CHPT1: variants seen among roughly 807,000 people sequenced by gnomAD.
The protein encoded by CHPT1 is choline phosphotransferase 1, also known as cholinephosphotransferase 1.
CHPT1 carries 36 observed loss-of-function variants against 47.6 expected under a neutral mutation model. The observed-to-expected ratio is 0.76, with a 90% CI of 0.58 to 1.00. The LOEUF is 1.00. CHPT1 is among the 50% of genes least tolerant of loss of function. The probability of loss-of-function intolerance (pLI) is 0.00; values close to 1 mark genes in which losing one functional copy is unlikely to be tolerated. For synonymous variants in CHPT1, 194 were observed against 186.3 expected (o/e 1.04, Z -0.33); for missense variants, 458 against 498.1 (o/e 0.92, Z 0.77).
chr12:101,697,891 G>C lies in CHPT1; in HGVS notation c.30G>C (p.Ala10=). 1 of 1,250,096 alleles carries C rather than the reference G, an allele frequency of 8.0e-7. No homozygotes were observed. The highest frequency in any genetic ancestry group is 1.0e-6 in the Non-Finnish European group (1 of 998,518). The allele number at this position is 1,250,096 out of a possible 1,614,324, so 77.4% of individuals were successfully genotyped here. The change falls in exon 1 of 9, where the codon GCG becomes GCC. Residue 10 remains alanine (A), a synonymous_variant. Transcript: ENST00000229266. ...CGGCAGGCGCCGGGGCCGGGTCCGC[G>C]CCGCGCTGGCTGAGGGCGCTGAGCG... is the stretch of plus-strand genomic sequence containing the variant. MAAGAGAGS[A]PRWLRALSEP...
intron 4 of CHPT1, chr12:101,717,420 A>T: frequency 2.6e-6 from 1 of 386,902 alleles, no homozygotes; most frequent in Non-Finnish European, 5.2e-6. Context: ...TGGCTAACTG[A>T]CTCACACTTT....
intron 7 of CHPT1, among the ~76,000 whole-genome samples, chr12:101,726,077 C>T (rs1399917381): frequency 6.6e-6 from 1 of 152,000 alleles, no homozygotes; most frequent in Admixed American, 6.6e-5. Flanking sequence ...GTCTTTTTTA[C>T]CTCTGAGCCT....
intron 4 of CHPT1, among the ~76,000 whole-genome samples, chr12:101,718,664 TA>T (rs869226936): frequency 0.014 from 1,841 of 128,856 alleles, 3 homozygotes; most frequent in African/African-American, 0.018. Flanking sequence ...ACCCCATCTT[TA>T]AAAAAAAAAA....
At position 101,723,329 on chromosome 12, in the gene CHPT1, A is replaced by G. The variant is rs1327384677; in HGVS notation, c.939+3A>G. The G allele has an allele frequency of 1.9e-6, 3 of 1,542,504 alleles. No homozygotes were observed. The highest frequency in any genetic ancestry group is 2.7e-6 in the Non-Finnish European group (3 of 1,131,040). On this transcript the variant is annotated splice_donor_region_variant and intron_variant, in intron 6 of 8. Coordinates refer to ENST00000229266, the MANE Select transcript of CHPT1 (RefSeq NM_020244.3). ...CTAAAGTCTCACAAAAATTAGTGGT[A>G]AGAAATTTTTATTATTCATGATATA...
chr12:101,707,673 T>G (rs543098516), intron 1 of CHPT1, among the ~76,000 whole-genome samples: 60 of 152,250 alleles, frequency 3.9e-4, no homozygotes, highest in African/African-American at 1.3e-3. Context: ...AATGAAATAT[T>G]TAAGGTGAGA....
chr12:101,700,337 AAAG>A (rs1262453080), intron 1 of CHPT1, among the ~76,000 whole-genome samples: 1 of 151,740 alleles, frequency 6.6e-6, no homozygotes, highest in Non-Finnish European at 1.5e-5. Context: ...AAAAAAAAAA[AAAG>A]GGTGGAGGGT....
intron 4 of CHPT1, among the ~76,000 whole-genome samples, chr12:101,719,194 C>T (rs980799955): frequency 1.3e-5 from 2 of 149,542 alleles, no homozygotes; most frequent in African/African-American, 4.9e-5. Flanking sequence ...AAATGTAGAC[C>T]TAGAAGCAGT....
intron 4 of CHPT1, among the ~76,000 whole-genome samples, chr12:101,718,359 G>C (rs1437980963): frequency 6.6e-6 from 1 of 151,916 alleles, no homozygotes; most frequent in Non-Finnish European, 1.5e-5. Context: ...CAGAGGGAGG[G>C]GTGGCTATAT....
chr12:101,708,692 G>A (rs1465633906), intron 1 of CHPT1, among the ~76,000 whole-genome samples: 2 of 123,998 alleles, frequency 1.6e-5, no homozygotes, highest in East Asian at 5.0e-4. Context: ...TGCCTCCTGG[G>A]TTCAAGCAAT....
rs562716248 is a variant in CHPT1, at chr12:101,704,683, G to A, written c.273+6549G>A. ...CCCAAAGTGCTGGGATTACAGGCAT[G>A]AGCCACCGCACCTGGCCCTGTTTTT... On this transcript the variant is annotated intron_variant, in intron 1 of 8. Transcript: ENST00000229266. 2.1e-3 allele frequency among the ~76,000 whole-genome samples: 288 copies of A among 139,510 alleles called. 2 individuals carry two copies. The highest frequency in any genetic ancestry group is 3.4e-3 in the Non-Finnish European group (222 of 65,060). The allele number at this position is 139,510 out of a possible 152,430, so 91.5% of individuals were successfully genotyped here.
At chr12:101,712,633 T>C (rs1287163207) in intron 1 of CHPT1, among the ~76,000 whole-genome samples, 1 of 148,668 alleles carries the variant, frequency 6.7e-6, no homozygotes, top group Non-Finnish European at 1.5e-5. Flanking sequence ...TTTCCATTGG[T>C]ACATGCTTAT....
At position 101,728,940 on chromosome 12, in the gene CHPT1, G is replaced by T. The variant is rs1226462967; in HGVS notation, c.1216G>T (p.Asp406Tyr). Residue 406 changes from aspartate to tyrosine, a missense_variant, in exon 9 of 9, where the codon GAT becomes TAT. By Grantham distance (160) the Asp-to-Tyr change is radical. Transcript: ENST00000229266. Reference sequence around the variant, plus strand: ...TTCAAAGAGTCATCAGAATAACATGGATTGAAGAGACTTCCGAACACTTGC... The same window carrying T: ...TTCAAAGAGTCATCAGAATAACATGTATTGAAGAGACTTCCGAACACTTGC... ...LSSKSHQNNMD is the reference protein window; with the variant it reads ...LSSKSHQNNMY The T allele has an allele frequency of 1.9e-6, 3 of 1,613,370 alleles. No individual in the cohort carries two copies. Among genetic ancestry groups the T allele is most frequent in the East Asian group, 2.2e-5 (1 of 44,746 alleles).
Position 101,697,844 on chromosome 12 carries a change from C to CGG in CHPT1, c.-15_-14dup. The CGG allele has an allele frequency of 9.7e-7, 1 of 1,036,146 alleles. No individual in the cohort carries two copies. The highest frequency in any genetic ancestry group is 1.2e-6 in the Non-Finnish European group (1 of 848,246). The allele number at this position is 1,036,146 out of a possible 1,614,324, so 64.2% of individuals were successfully genotyped here. A position where few individuals can be genotyped will look rare whatever the true frequency, so the allele number is the denominator to read the frequency against. ...CGCGGGCTGCGCTCGGTGGCGGCGG[C>CGG]GGGGCCCTCAGGCGGCCATGGCGGC... On this transcript the variant is annotated 5_prime_UTR_variant, in exon 1 of 9. Transcript: ENST00000229266.
chr12:101,703,963 A>G (rs1345623704), intron 1 of CHPT1, among the ~76,000 whole-genome samples: 4 of 152,198 alleles, frequency 2.6e-5, no homozygotes, highest in Admixed American at 2.0e-4. Context: ...CTTTAACAGC[A>G]TACTCGCATT....
chr12:101,709,719 C>G (rs1951680668), intron 1 of CHPT1, among the ~76,000 whole-genome samples: 1 of 148,654 alleles, frequency 6.7e-6, no homozygotes, highest in African/African-American at 2.4e-5. Context: ...AGGAAAGACT[C>G]TTGTGGCTGG....
At chr12:101,726,465 T>C (rs1951946784) in intron 8 of CHPT1, 61 bp downstream of exon 8, 1 of 1,586,030 alleles carries the variant, frequency 6.3e-7, no homozygotes, top group Non-Finnish European at 8.6e-7. Context: ...GTTAGGGGAA[T>C]CTATGAGTGA....
intron 3 of CHPT1, chr12:101,714,909 A>G (rs1345936600): frequency 3.7e-6 from 1 of 270,846 alleles, no homozygotes; most frequent in East Asian, 7.3e-5. Context: ...GAGAGGATTA[A>G]AAGAAAATTA....
At chr12:101,726,701 A>G (rs1404961460) in intron 8 of CHPT1, 1 of 391,520 alleles carries the variant, frequency 2.6e-6, no homozygotes, top group Non-Finnish European at 4.5e-6. Context: ...AATTCTAAGT[A>G]GCAGTTTGTC....
At chr12:101,701,985 C>T (rs938445952) in intron 1 of CHPT1, among the ~76,000 whole-genome samples, 9 of 152,178 alleles carry the variant, frequency 5.9e-5, no homozygotes, top group South Asian at 2.1e-4. Flanking sequence ...AACTTTGTCT[C>T]CTCACTTTGA....
Sources: allele counts gnomAD v4.1 joint callset (sites outside exome capture counted in the v4.1 genomes callset), GRCh38; gene constraint gnomAD v4.1.1; transcripts MANE v1.5; gene names NCBI Gene and HGNC (gene_info 2026-07-23, HGNC 2026-07-21).